Variants in BIRC6 observed in about 807,000 individuals in gnomAD.
The protein encoded by BIRC6 is dual E2 ubiquitin-conjugating enzyme/E3 ubiquitin-protein ligase BIRC6.
In BIRC6, 98 loss-of-function variants were observed where a neutral mutation model predicts 503.3. That is an observed-to-expected ratio of 0.19 (90% CI 0.17 to 0.23). The LOEUF is 0.23. Ranked by LOEUF, BIRC6 falls within the 10% of genes least tolerant of loss-of-function variation. BIRC6 has a pLI of 1.00. For synonymous variants in BIRC6, 2,240 were observed against 2,078.7 expected (o/e 1.08, Z -2.11); for missense variants, 5,360 against 5,806.0 (o/e 0.92, Z 2.50).
intron 22 of BIRC6, among the ~76,000 whole-genome samples, chr2:32,451,848 A>G (rs941401889): frequency 6.6e-6 from 1 of 152,188 alleles, no homozygotes; most frequent in Non-Finnish European, 1.5e-5. Flanking sequence ...TTTCTCATGG[A>G]GTCTGATATT....
rs374274578 is a variant in BIRC6 at position 32,395,605 on chromosome 2, T to A, written c.1034+12T>A. The A allele has an allele frequency of 1.3e-6, 2 of 1,592,546 alleles. No individual in the cohort carries two copies. The highest frequency in any genetic ancestry group is 1.7e-6 in the Non-Finnish European group (2 of 1,160,626). On this transcript the variant is annotated intron_variant, in intron 6 of 73. Coordinates refer to ENST00000421745, the MANE Select transcript of BIRC6 (RefSeq NM_016252.4). ...ACTGATGAACCTTGGTGAGTCTTGA[T>A]GTTTCTGGGCATAATAGGCTAAGTC...
rs758064107 is a variant in BIRC6 at position 32,357,497 on chromosome 2, C to G, written c.325+11C>G. The stretch of plus-strand genomic sequence containing the variant: ...CCTCCGCGCTCAGTGGTGAGTCTTC[C>G]GCACGCCGGGCGGGCGCGAAGCCGG... On this transcript the variant is annotated intron_variant, in intron 1 of 73. Transcript: ENST00000421745. This position sits in a 1 kb window ranked among gnomAD's most constrained non-coding sequence, Gnocchi z 4.9. 1.3e-6 allele frequency: 2 copies of G among 1,539,336 alleles called. No homozygotes were observed. Among genetic ancestry groups the G allele is most frequent in the Non-Finnish European group, 1.7e-6 (2 of 1,143,058 alleles).
At chr2:32,477,720 A>G in intron 35 of BIRC6, 137 bp downstream of exon 35, 1 of 489,048 alleles carries the variant, frequency 2.0e-6, no homozygotes, top group Non-Finnish European at 3.5e-6. Context: ...GCAATGTGGC[A>G]AAACCCCGTC....
chr2:32,439,760 A>G, intron 16 of BIRC6, 74 bp downstream of exon 16: 2 of 1,362,054 alleles, frequency 1.5e-6, no homozygotes. Flanking sequence ...CACTATTAGA[A>G]GTAGTATGAC....
At chr2:32,583,164 A>C (rs2060797966) in intron 66 of BIRC6, among the ~76,000 whole-genome samples, 1 of 152,190 alleles carries the variant, frequency 6.6e-6, no homozygotes, top group African/African-American at 2.4e-5. Flanking sequence ...CTTACCTGTT[A>C]GAGTAACCTA....
intron 3 of BIRC6, among the ~76,000 whole-genome samples, chr2:32,387,741 A>T (rs971175587): frequency 1.3e-5 from 2 of 152,120 alleles, no homozygotes; most frequent in African/African-American, 4.8e-5. Flanking sequence ...ATTCTTATGG[A>T]TGGAGGTATT....
At chr2:32,519,020 CTT>C in intron 57 of BIRC6, 74 bp downstream of exon 57, 1 of 1,407,370 alleles carries the variant, frequency 7.1e-7, no homozygotes, top group Middle Eastern at 1.8e-4. Flanking sequence ...GTTTTTATAA[CTT>C]TATTTTCTGC....
chr2:32,578,189 G>C (rs560988226), intron 66 of BIRC6, among the ~76,000 whole-genome samples: 3 of 152,168 alleles, frequency 2.0e-5, no homozygotes, highest in East Asian at 1.9e-4. Context: ...TTCATTTTCA[G>C]CTTCACAGAG....
chr2:32,508,646 A>G (rs1275212583), intron 51 of BIRC6, among the ~76,000 whole-genome samples: 2 of 152,144 alleles, frequency 1.3e-5, no homozygotes, highest in African/African-American at 4.8e-5. Context: ...CTTATATGGT[A>G]ATTCCTAAAT....
chr2:32,407,975 CT>C (rs35231160), intron 9 of BIRC6, among the ~76,000 whole-genome samples: 9 of 147,778 alleles, frequency 6.1e-5, no homozygotes, highest in Non-Finnish European at 3.0e-5. Context: ...TTCTTTCTTT[CT>C]TTTTTTTTTG....
At chr2:32,502,158 C>T (rs530066994) in intron 47 of BIRC6, among the ~76,000 whole-genome samples, 1 of 152,110 alleles carries the variant, frequency 6.6e-6, no homozygotes, top group Admixed American at 6.6e-5. Context: ...AGAAGTTCTT[C>T]TCTTTTTCCT....
chr2:32,611,269 G>A (rs1020926327), intron 72 of BIRC6, among the ~76,000 whole-genome samples, 179 bp from the exon 73 acceptor site: 2 of 151,362 alleles, frequency 1.3e-5, no homozygotes, highest in Admixed American at 1.3e-4. Context: ...TGCAGTGTCT[G>A]TATATTTATT....
chr2:32,373,161 T>C (rs2036225834), intron 1 of BIRC6, among the ~76,000 whole-genome samples: 1 of 152,172 alleles, frequency 6.6e-6, no homozygotes, highest in South Asian at 2.1e-4. Flanking sequence ...TGCAGACTCA[T>C]TGCAATTTGC....
intron 23 of BIRC6, among the ~76,000 whole-genome samples, chr2:32,460,721 C>T (rs143573685): frequency 3.2e-4 from 49 of 151,802 alleles, no homozygotes; most frequent in African/African-American, 1.1e-3. Context: ...GGATTGTTTA[C>T]GTCTTCTGTT....
At chr2:32,479,970 T>G (rs1375968651) in intron 37 of BIRC6, among the ~76,000 whole-genome samples, 1 of 152,096 alleles carries the variant, frequency 6.6e-6, no homozygotes, top group African/African-American at 2.4e-5. Flanking sequence ...TTTTCTTACT[T>G]TTTCTTTTTT....
chr2:32,464,358 A>G (rs1415613941), intron 24 of BIRC6, 151 bp from the exon 25 acceptor site: 1 of 1,045,486 alleles, frequency 9.6e-7, no homozygotes, highest in South Asian at 1.8e-5. Flanking sequence ...GCAATGATCC[A>G]TTTATATCGA....
intron 65 of BIRC6, among the ~76,000 whole-genome samples, chr2:32,553,275 C>G: frequency 5.2e-5 from 1 of 19,192 alleles, no homozygotes; most frequent in South Asian, 4.7e-3. Context: ...TTTACTGTTT[C>G]TAGCAAAAGA....
At chr2:32,365,007 C>T (rs759739368) in intron 1 of BIRC6, among the ~76,000 whole-genome samples, 39 of 152,106 alleles carry the variant, frequency 2.6e-4, no homozygotes, top group Non-Finnish European at 5.0e-4. Flanking sequence ...ATATAGAATT[C>T]GGATCTCAAT....
At chr2:32,590,054 A>G (rs1446536065) in intron 66 of BIRC6, among the ~76,000 whole-genome samples, 1 of 152,226 alleles carries the variant, frequency 6.6e-6, no homozygotes, top group Non-Finnish European at 1.5e-5. Context: ...CTTTAAATTA[A>G]TCACAGAAAA....
Sources: gnomAD v4.1 joint callset for allele counts (sites outside exome capture counted in the v4.1 genomes callset) on GRCh38, gnomAD v4.1.1 for gene constraint, Gnocchi (gnomAD v3.1) non-coding constraint, MANE v1.5 for transcripts, NCBI Gene and HGNC (gene_info 2026-07-23, HGNC 2026-07-21) for gene names.